Variants in PHACTR1 observed in about 807,000 individuals in gnomAD.
PHACTR1 encodes RPEL repeat containing 1.
In PHACTR1, 16 loss-of-function variants were observed where a neutral mutation model predicts 69.2. The observed-to-expected ratio is 0.23, with a 90% CI of 0.16 to 0.35. The LOEUF (loss-of-function observed/expected upper bound fraction) is 0.35. Ranked by LOEUF, PHACTR1 falls within the 10% of genes least tolerant of loss-of-function variation. PHACTR1 has a pLI of 1.00. For missense variants in PHACTR1, 510 were observed against 734.7 expected, an observed-to-expected ratio of 0.69 and a Z score of 3.54; for synonymous variants, 312 against 284.5, an observed-to-expected ratio of 1.10 and a Z score of -0.97.
intron 4 of PHACTR1, among the ~76,000 whole-genome samples, chr6:13,028,776 G>C (rs1178604109): frequency 1.3e-5 from 2 of 152,158 alleles, no homozygotes; most frequent in Non-Finnish European, 2.9e-5. Context: ...AGACAAGATT[G>C]CTCCTGAGTT....
intron 4 of PHACTR1, among the ~76,000 whole-genome samples, chr6:12,997,888 G>T (rs990202397): frequency 4.6e-5 from 7 of 152,106 alleles, no homozygotes; most frequent in African/African-American, 1.7e-4. Flanking sequence ...GGGAGGCAGA[G>T]CTTGCAGTGA....
intron 5 of PHACTR1, among the ~76,000 whole-genome samples, chr6:13,098,899 G>A (rs935791979): frequency 2.6e-5 from 4 of 152,152 alleles, no homozygotes; most frequent in Non-Finnish European, 4.4e-5. Context: ...CTACATCCAC[G>A]TGGGCAACTG....
At chr6:13,091,975 T>A (rs1813354657) in intron 5 of PHACTR1, among the ~76,000 whole-genome samples, 1 of 152,130 alleles carries the variant, frequency 6.6e-6, no homozygotes, top group South Asian at 2.1e-4. Context: ...TTTTTTTGCA[T>A]CTTTAGTAGA....
chr6:12,995,504 T>C (rs1318697012), intron 4 of PHACTR1, among the ~76,000 whole-genome samples: 1 of 152,018 alleles, frequency 6.6e-6, no homozygotes, highest in African/African-American at 2.4e-5. Flanking sequence ...TACTATTAAA[T>C]AAAATAGATT....
intron 4 of PHACTR1, among the ~76,000 whole-genome samples, chr6:12,981,984 T>C (rs1464168781): frequency 1.3e-5 from 2 of 152,216 alleles, no homozygotes; most frequent in Non-Finnish European, 2.9e-5. Context: ...CCAGTTTGAT[T>C]TCTTGTTAGA....
chr6:12,718,677 GA>G (rs1761713404), intron 2 of PHACTR1, 21 bp from the exon 3 acceptor site: 1 of 742,922 alleles, frequency 1.3e-6, no homozygotes, highest in African/African-American at 1.8e-5. Flanking sequence ...AAATATTGTG[GA>G]TTTTTTTTTC....
intron 4 of PHACTR1, among the ~76,000 whole-genome samples, chr6:12,887,210 C>T (rs1783727985): frequency 6.6e-6 from 1 of 152,230 alleles, no homozygotes; most frequent in African/African-American, 2.4e-5. Context: ...TCAGGTTCCA[C>T]TCCAATTGTT....
rs751856657 is a variant in PHACTR1, at chr6:12,876,846, G to A, written c.250+127056G>A. 4.6e-5 allele frequency among the ~76,000 whole-genome samples: 7 copies of A among 152,198 alleles called. No individual in the cohort carries two copies. The South Asian group carries it at 1.2e-3, about 27-fold the overall frequency. On this transcript the variant is annotated intron_variant, in intron 4 of 14. Coordinates refer to ENST00000332995, the MANE Select transcript of PHACTR1 (RefSeq NM_030948.6). Reference sequence around the variant, plus strand: ...TTTGCATCTGTAAGCTGGAGACACAGGAAAGCTGGTGGCGTAATTCAGTCT... The same window carrying A: ...TTTGCATCTGTAAGCTGGAGACACAAGAAAGCTGGTGGCGTAATTCAGTCT...
rs543391136 is a variant in PHACTR1, at chr6:13,180,023, C to T, written c.497-2496C>T. ...TTTTTCATAATAGCATAAGTCTATC[C>T]CTTTGTGACCAACCAAATGGGAGCT... On this transcript the variant is annotated intron_variant, in intron 6 of 14. Coordinates refer to ENST00000332995, the MANE Select transcript of PHACTR1 (RefSeq NM_030948.6). Among the ~76,000 whole-genome samples the T allele has an allele frequency of 2.0e-5, 3 of 152,134 alleles. No homozygotes were observed. The East Asian group carries it at 5.8e-4, about 29-fold the overall frequency.
At chr6:12,892,799 C>T (rs766940196) in intron 4 of PHACTR1, among the ~76,000 whole-genome samples, 3 of 152,196 alleles carry the variant, frequency 2.0e-5, no homozygotes, top group Non-Finnish European at 4.4e-5. Flanking sequence ...AGGAGGATGG[C>T]AGACATGGAA....
chr6:13,059,766 G>A (rs193083410), intron 5 of PHACTR1, among the ~76,000 whole-genome samples: 228 of 152,238 alleles, frequency 1.5e-3, no homozygotes, highest in Middle Eastern at 3.4e-3. Context: ...AGGTTTGGGG[G>A]TATGATTCCA....
At position 13,039,254 on chromosome 6, in the gene PHACTR1, A is replaced by G. The variant is rs1438843755; in HGVS notation, c.251-14111A>G. ...TAATAACTAGGCAAGTGTTTGATAAATGATAGAACACTATTCAGATAGTTG... is the reference window on the plus strand; with the variant it reads ...TAATAACTAGGCAAGTGTTTGATAAGTGATAGAACACTATTCAGATAGTTG... On this transcript the variant is annotated intron_variant, in intron 4 of 14. Transcript: ENST00000332995. Among the ~76,000 whole-genome samples, 5 of 152,234 alleles carry G rather than the reference A, an allele frequency of 3.3e-5. No individual in the cohort carries two copies. The East Asian group carries it at 9.6e-4, about 29-fold the overall frequency.
At chr6:13,160,010 C>A (rs58617668) in intron 5 of PHACTR1, among the ~76,000 whole-genome samples, 194 bp from the exon 6 acceptor site, 3,434 of 152,240 alleles carry the variant, frequency 0.023, 128 homozygotes, top group African/African-American at 0.079. Context: ...TAAATGACAT[C>A]ATCTGATTAA....
At chr6:12,931,687 C>A (rs1017141082) in intron 4 of PHACTR1, among the ~76,000 whole-genome samples, 1 of 151,948 alleles carries the variant, frequency 6.6e-6, no homozygotes, top group Non-Finnish European at 1.5e-5. Context: ...AAAGCAGAAT[C>A]ACACAAACAT....
intron 4 of PHACTR1, among the ~76,000 whole-genome samples, chr6:12,803,860 C>G (rs1165193209): frequency 3.2e-4 from 48 of 152,188 alleles, no homozygotes; most frequent in South Asian, 2.1e-4. Flanking sequence ...ACAAGTGTCC[C>G]TGGGAGACAA....
chr6:12,945,241 T>G (rs116719175), intron 4 of PHACTR1, among the ~76,000 whole-genome samples: 1 of 152,106 alleles, frequency 6.6e-6, no homozygotes, highest in Non-Finnish European at 1.5e-5. Flanking sequence ...CAGAAAGCCC[T>G]CCCTAATCAC....
At chr6:12,882,637 C>G (rs915582275) in intron 4 of PHACTR1, among the ~76,000 whole-genome samples, 2 of 151,720 alleles carry the variant, frequency 1.3e-5, no homozygotes, top group Non-Finnish European at 2.9e-5. Context: ...AAAGTAAAAA[C>G]AAAAAAAGAA....
intron 4 of PHACTR1, among the ~76,000 whole-genome samples, chr6:13,017,334 T>C (rs1442992309): frequency 1.3e-5 from 2 of 150,652 alleles, no homozygotes; most frequent in African/African-American, 4.9e-5. Flanking sequence ...TGTTTATATC[T>C]GTGTGTGTGT....
At chr6:13,226,112 G>A (rs1459484616) in intron 8 of PHACTR1, among the ~76,000 whole-genome samples, 2 of 152,210 alleles carry the variant, frequency 1.3e-5, no homozygotes, top group Non-Finnish European at 1.5e-5. Context: ...GCTGCATTTT[G>A]TAAATACGTG....
Sources: gnomAD v4.1 joint callset for allele counts (sites outside exome capture counted in the v4.1 genomes callset) on GRCh38, gnomAD v4.1.1 for gene constraint, MANE v1.5 for transcripts, NCBI Gene and HGNC (gene_info 2026-07-23, HGNC 2026-07-21) for gene names.